The following COL24A1 variants were observed in gnomAD, a reference collection of about 807,000 sequenced individuals.
The protein encoded by COL24A1 is collagen alpha-1(XXIV) chain.
A neutral mutation model predicts 253.9 loss-of-function variants in COL24A1; 224 were observed. The ratio of observed to expected loss-of-function variants is 0.88; its 90% CI spans 0.79 to 0.99. COL24A1 has a LOEUF of 0.99. COL24A1 is among the 50% of genes least tolerant of loss of function. The pLI, the probability that COL24A1 is intolerant of heterozygous loss-of-function variation, is 0.00. For missense variants in COL24A1, 2,131 were observed against 2,068.5 expected (o/e 1.03, Z -0.59); for synonymous variants, 685 against 673.7 (o/e 1.02, Z -0.26).
intron 47 of COL24A1, among the ~76,000 whole-genome samples, chr1:85,797,507 G>A (rs1480714744): frequency 6.6e-6 from 1 of 152,152 alleles, no homozygotes; most frequent in East Asian, 1.9e-4. Context: ...GTACACAAAG[G>A]CCAGAAAGTG....
chr1:85,871,384 A>G (rs1027237699), intron 35 of COL24A1, among the ~76,000 whole-genome samples: 4 of 152,084 alleles, frequency 2.6e-5, no homozygotes, highest in African/African-American at 4.8e-5. Flanking sequence ...CCTGGCAGAG[A>G]CACAACAAAA....
At chr1:86,111,598 A>C (rs1247500442) in intron 5 of COL24A1, among the ~76,000 whole-genome samples, 1 of 152,134 alleles carries the variant, frequency 6.6e-6, no homozygotes, top group African/African-American at 2.4e-5. Flanking sequence ...GGATAAAAGC[A>C]GGCTGCCCGA....
At chr1:85,744,965 A>T (rs1353640930) in intron 56 of COL24A1, 131 bp from the exon 57 acceptor site, 8 of 640,690 alleles carry the variant, frequency 1.2e-5, no homozygotes, top group Middle Eastern at 3.3e-4. Context: ...GTTTATATTT[A>T]AGCATAGGCA....
chr1:85,967,271 G>C (rs1421124555), intron 22 of COL24A1, among the ~76,000 whole-genome samples: 1 of 152,124 alleles, frequency 6.6e-6, no homozygotes, highest in African/African-American at 2.4e-5. Context: ...ATAACTGAAA[G>C]GAGTTTGAAG....
intron 37 of COL24A1, among the ~76,000 whole-genome samples, chr1:85,850,486 G>A (rs1387868204): frequency 6.6e-6 from 1 of 152,148 alleles, no homozygotes; most frequent in African/African-American, 2.4e-5. Context: ...TGAATTTAGA[G>A]GCCAAAGCTG....
intron 24 of COL24A1, among the ~76,000 whole-genome samples, chr1:85,937,242 G>A (rs1688321699): frequency 6.8e-6 from 1 of 147,710 alleles, no homozygotes; most frequent in Admixed American, 6.8e-5. Flanking sequence ...CAGTAACAGG[G>A]AACATCTTCT....
At chr1:85,769,703 T>C (rs1667755422) in intron 53 of COL24A1, among the ~76,000 whole-genome samples, 1 of 152,116 alleles carries the variant, frequency 6.6e-6, no homozygotes, top group Admixed American at 6.6e-5. Flanking sequence ...ATCCCAGATA[T>C]TTCAACTGGT....
chr1:86,014,107 C>T (rs1006011287), intron 19 of COL24A1, among the ~76,000 whole-genome samples: 1 of 152,022 alleles, frequency 6.6e-6, no homozygotes, highest in Admixed American at 6.6e-5. Flanking sequence ...TATTTTTTAC[C>T]TTCCTTGCTT....
intron 2 of COL24A1, among the ~76,000 whole-genome samples, chr1:86,140,878 C>T (rs1301490602): frequency 6.6e-6 from 1 of 152,196 alleles, no homozygotes; most frequent in Admixed American, 6.5e-5. Flanking sequence ...CATTAGATTA[C>T]ACCTAAAACT....
chr1:85,827,064 G>T (rs904731212), intron 43 of COL24A1, among the ~76,000 whole-genome samples: 3 of 151,860 alleles, frequency 2.0e-5, no homozygotes, highest in African/African-American at 4.8e-5. Context: ...CTGTGGGTTT[G>T]TCATAGATAG....
At chr1:85,878,508 A>C (rs2102629586) in intron 32 of COL24A1, among the ~76,000 whole-genome samples, 1 of 152,292 alleles carries the variant, frequency 6.6e-6, no homozygotes, top group African/African-American at 2.4e-5. Context: ...GTTGCTTCAA[A>C]TTTTTTGCAC....
chr1:85,887,820 G>A lies in COL24A1; in HGVS notation c.2976+1740C>T, dbSNP rs748119331. 2.6e-5 allele frequency among the ~76,000 whole-genome samples: 4 copies of A among 152,120 alleles called. No homozygotes were observed. In the South Asian group the frequency reaches 6.2e-4, roughly 24 times the overall value. ...TGCAGTTTCAACCTTTTCTGCCAGC[G>A]TTTTGTAAATGTTGTAGTTCTTTAA... On this transcript the variant is annotated intron_variant, in intron 32 of 59. Transcript: ENST00000370571.
intron 1 of COL24A1, among the ~76,000 whole-genome samples, chr1:86,152,907 A>G (rs1256665872): frequency 1.3e-5 from 2 of 152,026 alleles, no homozygotes; most frequent in East Asian, 3.9e-4. Flanking sequence ...CTACCTATAC[A>G]CTCATCCCAA....
intron 37 of COL24A1, among the ~76,000 whole-genome samples, chr1:85,860,351 T>C (rs1018498004): frequency 1.3e-5 from 2 of 152,118 alleles, no homozygotes; most frequent in African/African-American, 4.8e-5. Flanking sequence ...TCATAAGAAG[T>C]CACTCCCCAT....
chr1:86,025,140 T>C (rs992003299), intron 14 of COL24A1, among the ~76,000 whole-genome samples: 4 of 152,196 alleles, frequency 2.6e-5, no homozygotes, highest in African/African-American at 9.6e-5. Context: ...CCTGAGAAAC[T>C]ATAGCCTTCT....
intron 52 of COL24A1, among the ~76,000 whole-genome samples, chr1:85,779,222 C>G (rs572291673): frequency 6.6e-6 from 1 of 152,010 alleles, no homozygotes. Flanking sequence ...GGCTGTGTTC[C>G]AATTTCTTAT....
intron 4 of COL24A1, among the ~76,000 whole-genome samples, chr1:86,114,182 G>A (rs12742000): frequency 0.97 from 148,192 of 152,262 alleles, 72,222 homozygotes; most frequent in Non-Finnish European, 1. Flanking sequence ...TAAGTTAGAT[G>A]AGGTGAAATT....
intron 43 of COL24A1, among the ~76,000 whole-genome samples, chr1:85,831,135 A>T (rs1424253905): frequency 1.3e-5 from 2 of 152,056 alleles, no homozygotes; most frequent in Admixed American, 1.3e-4. Context: ...ACTAACGGAA[A>T]AACCATGATC....
chr1:86,051,974 A>G (rs1407276767), intron 10 of COL24A1, among the ~76,000 whole-genome samples: 1 of 152,022 alleles, frequency 6.6e-6, no homozygotes, highest in African/African-American at 2.4e-5. Flanking sequence ...ATAGAGAAAA[A>G]AAGTCTGAAG....
Sources: allele counts gnomAD v4.1 joint callset (sites outside exome capture counted in the v4.1 genomes callset), GRCh38; gene constraint gnomAD v4.1.1; transcripts MANE v1.5; gene names NCBI Gene and HGNC (gene_info 2026-07-23, HGNC 2026-07-21).